The following CPQ variants were observed in gnomAD, a reference collection of about 807,000 sequenced individuals.
The protein encoded by CPQ is carboxypeptidase Q, also known as Ser-Met dipeptidase.
Under a neutral mutation model 45.7 loss-of-function variants are expected in CPQ, and 37 were observed. That is an observed-to-expected ratio of 0.81 (90% CI 0.62 to 1.07). The LOEUF is 1.07. CPQ is among the 50% of genes least tolerant of loss of function. The probability of loss-of-function intolerance (pLI) is 0.00; values close to 1 mark genes in which losing one functional copy is unlikely to be tolerated. For synonymous variants in CPQ, 186 were observed against 205.8 expected (o/e 0.90, Z 0.82); for missense variants, 537 against 572.9 (o/e 0.94, Z 0.64).
In CPQ at chr8:96,785,028, G is replaced by GA; in HGVS notation, c.132dup (p.Asp45ArgfsTer4). 6.2e-7 allele frequency: 1 copy of GA among 1,613,756 alleles called. No homozygotes were observed. Among genetic ancestry groups the GA allele is most frequent in the East Asian group, 2.2e-5 (1 of 44,830 alleles). On this transcript the variant is annotated frameshift_variant, in exon 2 of 8. Coordinates refer to ENST00000220763, the MANE Select transcript of CPQ (RefSeq NM_016134.4). LOFTEE classifies it high-confidence loss of function. ...ATAAAAGAAGAAATAGCCAGCTGTG[G>GA]AGATGTTGCTAAAGCAATCATCAAC...
intron 1 of CPQ, among the ~76,000 whole-genome samples, chr8:96,755,850 TA>T (rs1253259828): frequency 6.6e-6 from 1 of 151,976 alleles, no homozygotes; most frequent in Non-Finnish European, 1.5e-5. Flanking sequence ...AACACAAGCA[TA>T]AAAGCAAACT....
intron 6 of CPQ, among the ~76,000 whole-genome samples, chr8:97,061,023 T>C (rs989022064): frequency 4.6e-5 from 7 of 152,168 alleles, no homozygotes; most frequent in African/African-American, 1.7e-4. Flanking sequence ...GTTTTCTTAG[T>C]TCTTTATTGA....
At chr8:97,137,223 A>G (rs1812075191) in intron 7 of CPQ, among the ~76,000 whole-genome samples, 2 of 152,208 alleles carry the variant, frequency 1.3e-5, no homozygotes, top group African/African-American at 4.8e-5. Context: ...GGAGCTCTGA[A>G]GAGGGCATGG....
chr8:96,675,504 T>C (rs1435363128), intron 1 of CPQ, among the ~76,000 whole-genome samples: 5 of 152,110 alleles, frequency 3.3e-5, no homozygotes, highest in African/African-American at 1.2e-4. Flanking sequence ...TTCCTAACTT[T>C]TCCTATTACA....
intron 3 of CPQ, among the ~76,000 whole-genome samples, chr8:96,876,257 C>G (rs893519414): frequency 4.6e-5 from 7 of 151,668 alleles, no homozygotes; most frequent in Non-Finnish European, 8.8e-5. Flanking sequence ...TCATGTCACT[C>G]TTTCTAGAAA....
At chr8:96,812,684 C>G (rs753765573) in intron 2 of CPQ, among the ~76,000 whole-genome samples, 6 of 151,986 alleles carry the variant, frequency 3.9e-5, no homozygotes, top group Non-Finnish European at 7.4e-5. Flanking sequence ...GGGATAGGGC[C>G]TTCACGATCT....
At chr8:97,124,225 C>CAAAAA (rs34933920) in intron 7 of CPQ, among the ~76,000 whole-genome samples, 3 of 42,562 alleles carry the variant, frequency 7.0e-5, no homozygotes, top group African/African-American at 1.7e-4. Flanking sequence ...GACTCCGTCT[C>CAAAAA]AAAAAAAAAA....
At chr8:96,927,177 T>C (rs1410246542) in intron 4 of CPQ, among the ~76,000 whole-genome samples, 1 of 152,230 alleles carries the variant, frequency 6.6e-6, no homozygotes, top group Non-Finnish European at 1.5e-5. Flanking sequence ...ATGCCCTGTG[T>C]TCCTTCTGAG....
chr8:97,119,128 A>G (rs1811648764), intron 7 of CPQ, among the ~76,000 whole-genome samples: 1 of 152,086 alleles, frequency 6.6e-6, no homozygotes, highest in Admixed American at 6.6e-5. Context: ...CAGGAGTTAA[A>G]GACCAGCCTG....
At chr8:97,005,530 T>G (rs1809367507) in intron 5 of CPQ, among the ~76,000 whole-genome samples, 1 of 152,026 alleles carries the variant, frequency 6.6e-6, no homozygotes. Context: ...AGGGAAATTC[T>G]GTCTCTATAA....
intron 1 of CPQ, among the ~76,000 whole-genome samples, chr8:96,657,062 C>T (rs1399621495): frequency 1.3e-5 from 2 of 150,314 alleles, no homozygotes; most frequent in African/African-American, 4.9e-5. Flanking sequence ...AAAAGATCCT[C>T]TTGGCTGGGC....
At chr8:96,975,862 C>G (rs1216279169) in intron 5 of CPQ, among the ~76,000 whole-genome samples, 1 of 151,782 alleles carries the variant, frequency 6.6e-6, no homozygotes, top group Admixed American at 6.6e-5. Context: ...TAATAGCCAT[C>G]TACAACAAAC....
intron 6 of CPQ, among the ~76,000 whole-genome samples, chr8:97,034,296 C>G (rs1414270279): frequency 1.3e-5 from 2 of 152,158 alleles, no homozygotes; most frequent in African/African-American, 4.8e-5. Context: ...ATAAATCATT[C>G]CTGAGATCCA....
chr8:96,700,604 A>G (rs1176048651), intron 1 of CPQ, among the ~76,000 whole-genome samples: 1 of 152,210 alleles, frequency 6.6e-6, no homozygotes, highest in African/African-American at 2.4e-5. Flanking sequence ...AAAGACCACC[A>G]GCATCAGAAA....
chr8:96,947,243 A>G (rs1192794138), intron 4 of CPQ, among the ~76,000 whole-genome samples: 1 of 152,212 alleles, frequency 6.6e-6, no homozygotes, highest in African/African-American at 2.4e-5. Flanking sequence ...TGTGCCACAT[A>G]ATGCAGTTTT....
At chr8:96,912,841 A>G (rs533388781) in intron 4 of CPQ, among the ~76,000 whole-genome samples, 7 of 152,140 alleles carry the variant, frequency 4.6e-5, no homozygotes, top group Non-Finnish European at 8.8e-5. Context: ...CTTCCTCTCT[A>G]TCTCTAAATG....
rs149142130 is a variant in CPQ at position 96,746,615 on chromosome 8, G to A, written c.-34-38249G>A. Among the ~76,000 whole-genome samples the A allele has an allele frequency of 3.3e-3, 506 of 152,206 alleles. 2 individuals carry two copies. The highest frequency in any genetic ancestry group is 0.012 in the African/African-American group (482 of 41,526). On this transcript the variant is annotated intron_variant, in intron 1 of 7. Coordinates refer to ENST00000220763, the MANE Select transcript of CPQ (RefSeq NM_016134.4). Reference sequence around the variant, plus strand: ...CCAGCCACAAGCATTATTTCTTCCCGGAGCTTTCATTGACCTGTGCCTCTC... The same window carrying A: ...CCAGCCACAAGCATTATTTCTTCCCAGAGCTTTCATTGACCTGTGCCTCTC...
At chr8:97,005,609 A>T (rs1485044216) in intron 5 of CPQ, among the ~76,000 whole-genome samples, 1 of 152,136 alleles carries the variant, frequency 6.6e-6, no homozygotes, top group African/African-American at 2.4e-5. Flanking sequence ...AACTTCTCCT[A>T]CACTAACATT....
At chr8:97,078,623 C>A (rs1191074097) in intron 7 of CPQ, among the ~76,000 whole-genome samples, 1 of 152,116 alleles carries the variant, frequency 6.6e-6, no homozygotes, top group Non-Finnish European at 1.5e-5. Context: ...AAAACAGTAT[C>A]AACACGATCA....
Sources: gnomAD v4.1 joint callset for allele counts (sites outside exome capture counted in the v4.1 genomes callset) on GRCh38, gnomAD v4.1.1 for gene constraint, MANE v1.5 for transcripts, NCBI Gene and HGNC (gene_info 2026-07-23, HGNC 2026-07-21) for gene names.